LIPG: variants seen among roughly 807,000 people sequenced by gnomAD.
LIPG encodes the protein endothelial lipase.
LIPG carries 34 observed loss-of-function variants against 51.8 expected under a neutral mutation model. The observed-to-expected ratio is 0.66, with a 90% CI of 0.50 to 0.87. LIPG has a LOEUF of 0.87. Ranked by LOEUF, LIPG falls within the 40% of genes least tolerant of loss-of-function variation. The pLI is 0.00. For missense variants in LIPG, 580 were observed against 652.7 expected, an observed-to-expected ratio of 0.89 and a Z score of 1.21; for synonymous variants, 246 against 246.1, an observed-to-expected ratio of 1.00 and a Z score of 0.00.
intron 8 of LIPG, among the ~76,000 whole-genome samples, chr18:49,585,947 A>C (rs1352233076): frequency 6.6e-6 from 1 of 152,126 alleles, no homozygotes; most frequent in African/African-American, 2.4e-5. Flanking sequence ...TATAGGTCCT[A>C]AGGTCCTTAG....
In LIPG at chr18:49,567,447, C is replaced by T. The variant is rs144341306; in HGVS notation, c.285C>T (p.Ser95=). The T allele has an allele frequency of 3.5e-5, 56 of 1,613,908 alleles. No individual in the cohort carries two copies. The highest frequency in any genetic ancestry group is 3.3e-4 in the African/African-American group (25 of 75,038). The change falls in exon 3 of 10, where the codon AGC becomes AGT. Residue 95 remains serine (S), a synonymous_variant. Coordinates refer to ENST00000261292, the MANE Select transcript of LIPG (RefSeq NM_006033.4). ...TFFIIHGWTM[S]GIFENWLHKL... ...ACTTCCACTTTTCTCTGCAGATGAG[C>T]GGTATCTTTGAAAACTGGCTGCACA... is the stretch of plus-strand genomic sequence containing the variant.
At chr18:49,562,763 G>C (rs1390699402) in intron 1 of LIPG, among the ~76,000 whole-genome samples, 1 of 152,022 alleles carries the variant, frequency 6.6e-6, no homozygotes, top group Non-Finnish European at 1.5e-5. Flanking sequence ...CTGGAGGTTT[G>C]AGAGGCAAGA....
chr18:49,580,536 G>T (rs2084808223), intron 5 of LIPG, among the ~76,000 whole-genome samples: 1 of 152,186 alleles, frequency 6.6e-6, no homozygotes, highest in East Asian at 1.9e-4. Flanking sequence ...CCACCTATTT[G>T]GGAGGCTGAG....
chr18:49,585,194 T>C (rs1568536661), intron 8 of LIPG, among the ~76,000 whole-genome samples: 1 of 152,216 alleles, frequency 6.6e-6, no homozygotes, highest in Non-Finnish European at 1.5e-5. Context: ...TCTGAGTAAC[T>C]GGGATTACAG....
chr18:49,570,431 T>C (rs1173572688), intron 4 of LIPG, among the ~76,000 whole-genome samples: 1 of 152,194 alleles, frequency 6.6e-6, no homozygotes, highest in Non-Finnish European at 1.5e-5. Flanking sequence ...CAGCATTATT[T>C]TATTTAAAAT....
upstream of LIPG, chr18:49,561,647 C>G (rs111483526): frequency 7.3e-4 from 891 of 1,223,976 alleles, 3 homozygotes; most frequent in African/African-American, 0.011. Flanking sequence ...AGCGGATAGA[C>G]CACTCCCAGA....
chr18:49,564,071 T>C (rs2084578165), intron 1 of LIPG, among the ~76,000 whole-genome samples: 1 of 152,190 alleles, frequency 6.6e-6, no homozygotes, highest in African/African-American at 2.4e-5. Flanking sequence ...CTCATGTGCA[T>C]TCAGCAGCAT....
rs2084991831 is a variant in LIPG at position 49,598,101 on chromosome 18, T to G, written c.*7579T>G. ...TGCCCCAAATTCCATATAGGATTCT[T>G]TTTGAAGAATATATATCATCCAAAA... On this transcript the variant is annotated 3_prime_UTR_variant, in exon 10 of 10. Transcript: ENST00000261292. 6.6e-6 allele frequency: 1 copy of G among 152,238 alleles called. No individual in the cohort carries two copies. Among genetic ancestry groups the G allele is most frequent in the Non-Finnish European group, 1.5e-5 (1 of 68,036 alleles). 9.4% of individuals were successfully genotyped at this position (152,238 alleles called of 1,614,324 possible).
chr18:49,587,266 C>T (rs1357278179), intron 9 of LIPG, among the ~76,000 whole-genome samples: 1 of 148,454 alleles, frequency 6.7e-6, no homozygotes, highest in Non-Finnish European at 1.5e-5. Flanking sequence ...AAGAATGAAG[C>T]TCTGTCTCAA....
chr18:49,585,676 T>C (rs987432800), intron 8 of LIPG, among the ~76,000 whole-genome samples: 2 of 152,242 alleles, frequency 1.3e-5, no homozygotes, highest in Non-Finnish European at 1.5e-5. Flanking sequence ...TCTCAGCATG[T>C]GTTCTAAAAA....
intron 5 of LIPG, among the ~76,000 whole-genome samples, chr18:49,579,235 A>G (rs1270058685): frequency 8.0e-5 from 10 of 125,506 alleles, no homozygotes; most frequent in East Asian, 7.1e-4. Flanking sequence ...GGAGAGGGAG[A>G]GGGCTCACCG....
chr18:49,583,845 T>A (rs907228622), intron 8 of LIPG, 71 bp downstream of exon 8: 12 of 1,379,330 alleles, frequency 8.7e-6, no homozygotes, highest in Non-Finnish European at 1.2e-5. Context: ...TGACATTTCC[T>A]TTCCTTTGCT....
chr18:49,563,474 G>A (rs1600540195), intron 1 of LIPG, among the ~76,000 whole-genome samples: 2 of 152,080 alleles, frequency 1.3e-5, no homozygotes, highest in South Asian at 4.2e-4. Context: ...ACTATTCTGG[G>A]AGCAGGGGAG....
rs2084980310 is a variant in LIPG, at chr18:49,595,980, A to G, written c.*5458A>G. 1 of 152,232 alleles carries G rather than the reference A, an allele frequency of 6.6e-6. No homozygotes were observed. The highest frequency in any genetic ancestry group is 1.5e-5 in the Non-Finnish European group (1 of 68,052). 9.4% of individuals were successfully genotyped at this position (152,232 alleles called of 1,614,324 possible). A position where few individuals can be genotyped will look rare whatever the true frequency, so the allele number is the denominator to read the frequency against. On this transcript the variant is annotated 3_prime_UTR_variant, in exon 10 of 10. Transcript: ENST00000261292. ...ATTTGACAAAGAGAAACAAAATTAGATTCCTATTTTAACACGCAACAAAGA... is the reference window on the plus strand; with the variant it reads ...ATTTGACAAAGAGAAACAAAATTAGGTTCCTATTTTAACACGCAACAAAGA...
At chr18:49,579,502 T>A (rs988605724) in intron 5 of LIPG, among the ~76,000 whole-genome samples, 2 of 151,964 alleles carry the variant, frequency 1.3e-5, no homozygotes, top group Non-Finnish European at 2.9e-5. Context: ...CTGCTAAAAC[T>A]GAGGTGTAGG....
intron 5 of LIPG, among the ~76,000 whole-genome samples, chr18:49,577,644 G>A (rs1167558385): frequency 7.0e-6 from 1 of 143,010 alleles, no homozygotes; most frequent in African/African-American, 2.8e-5. Flanking sequence ...GCCGGGCAGG[G>A]GGCTGACCCC....
intron 4 of LIPG, among the ~76,000 whole-genome samples, chr18:49,572,493 G>A (rs1430831266): frequency 6.6e-6 from 1 of 152,104 alleles, no homozygotes; most frequent in African/African-American, 2.4e-5. Context: ...AAGTAGCAGA[G>A]CTGGGACTCA....
At chr18:49,589,847 T>A (rs2084921794) in intron 9 of LIPG, 1 of 157,262 alleles carries the variant, frequency 6.4e-6, no homozygotes, top group Non-Finnish European at 1.4e-5. Context: ...ACCCTCTCAC[T>A]ACTAATTTTA....
intron 6 of LIPG, among the ~76,000 whole-genome samples, 191 bp from the exon 7 acceptor site, chr18:49,582,171 C>T (rs1600563617): frequency 6.6e-6 from 1 of 152,144 alleles, no homozygotes; most frequent in African/African-American, 2.4e-5. Flanking sequence ...CTCCCAAGTG[C>T]AGGGCTCCTT....
Sources: gnomAD v4.1 joint callset for allele counts (sites outside exome capture counted in the v4.1 genomes callset) on GRCh38, gnomAD v4.1.1 for gene constraint, MANE v1.5 for transcripts, NCBI Gene and HGNC (gene_info 2026-07-23, HGNC 2026-07-21) for gene names.